The following NRXN3 variants were observed in gnomAD, a reference collection of about 807,000 sequenced individuals.
NRXN3 encodes the protein neurexin 3.
In NRXN3, 32 loss-of-function variants were observed where a neutral mutation model predicts 137.6. The ratio of observed to expected loss-of-function variants is 0.23; its 90% confidence interval spans 0.18 to 0.31. The LOEUF is 0.31. Ranked by LOEUF, NRXN3 falls within the 10% of genes least tolerant of loss-of-function variation. The pLI is 1.00. For missense variants in NRXN3, 1,574 were observed against 2,062.5 expected, an observed-to-expected ratio of 0.76 and a Z score of 4.59; for synonymous variants, 798 against 784.5, an observed-to-expected ratio of 1.02 and a Z score of -0.29.
chr14:79,626,215 GA>G (rs2098279944), intron 16 of NRXN3, among the ~76,000 whole-genome samples: 1 of 152,100 alleles, frequency 6.6e-6, no homozygotes, highest in Admixed American at 6.5e-5. Flanking sequence ...AAAATTTCCA[GA>G]TAGAGTTCTT....
chr14:78,519,460 G>C (rs901464054), intron 4 of NRXN3, among the ~76,000 whole-genome samples: 9 of 152,104 alleles, frequency 5.9e-5, no homozygotes, highest in African/African-American at 2.2e-4. Context: ...TTATTGAAAT[G>C]ATTCCTCATT....
intron 4 of NRXN3, among the ~76,000 whole-genome samples, chr14:78,456,176 C>T (rs1032675715): frequency 3.3e-5 from 5 of 152,122 alleles, no homozygotes; most frequent in South Asian, 2.1e-4. Flanking sequence ...ATATGACAGT[C>T]GACACCCCCC....
chr14:79,343,547 CTCTT>C lies in NRXN3; in HGVS notation c.3263-123672_3263-123669del, dbSNP rs369336123. 5.6e-4 allele frequency among the ~76,000 whole-genome samples: 85 copies of C among 152,126 alleles called. 2 individuals carry two copies. Among genetic ancestry groups the C allele is most frequent in the Admixed American group, 1.8e-3 (28 of 15,282 alleles). The stretch of plus-strand genomic sequence containing the variant: ...TGTCACCTAGAGCATTTTTTTCTTT[CTCTT>C]TATTTCCTGTGCCTTTCCTGCATCT... On this transcript the variant is annotated intron_variant, in intron 15 of 20. Transcript: ENST00000335750.
At chr14:79,195,750 G>A (rs2065043685) in intron 15 of NRXN3, among the ~76,000 whole-genome samples, 1 of 152,164 alleles carries the variant, frequency 6.6e-6, no homozygotes, top group South Asian at 2.1e-4. Context: ...GTAGAATGAA[G>A]ATACAATATA....
intron 4 of NRXN3, among the ~76,000 whole-genome samples, chr14:78,472,871 A>G (rs1159998583): frequency 6.6e-6 from 1 of 152,124 alleles, no homozygotes; most frequent in African/African-American, 2.4e-5. Flanking sequence ...CAGCCTTTGC[A>G]AAGTCTCAGG....
chr14:79,697,508 A>C, intron 18 of NRXN3, 122 bp from the exon 19 acceptor site: 1 of 988,266 alleles, frequency 1.0e-6, no homozygotes, highest in Non-Finnish European at 1.5e-6. Context: ...TTTGTTGTCT[A>C]TTTTTTCCTC....
At chr14:78,398,025 G>T (rs922638821) in intron 4 of NRXN3, among the ~76,000 whole-genome samples, 2 of 149,712 alleles carry the variant, frequency 1.3e-5, no homozygotes, top group Non-Finnish European at 1.5e-5. Flanking sequence ...GACAAGCCTG[G>T]CTAACCTGGT....
At chr14:79,474,376 A>AGAAG (rs2096541144) in intron 16 of NRXN3, among the ~76,000 whole-genome samples, 1 of 152,176 alleles carries the variant, frequency 6.6e-6, no homozygotes, top group South Asian at 2.1e-4. Flanking sequence ...AAACATATAT[A>AGAAG]GAAGGAAAGT....
At chr14:78,453,169 G>T (rs1018651604) in intron 4 of NRXN3, among the ~76,000 whole-genome samples, 1 of 152,140 alleles carries the variant, frequency 6.6e-6, no homozygotes, top group African/African-American at 2.4e-5. Context: ...TTGTCATAAT[G>T]GCTACAGTTC....
intron 4 of NRXN3, among the ~76,000 whole-genome samples, chr14:78,575,315 AG>A (rs1432313365): frequency 1.3e-5 from 2 of 152,206 alleles, no homozygotes; most frequent in African/African-American, 4.8e-5. Flanking sequence ...AAACACATGG[AG>A]GGGAAAGTGA....
At chr14:78,447,112 T>C (rs747876861) in intron 4 of NRXN3, among the ~76,000 whole-genome samples, 2 of 152,176 alleles carry the variant, frequency 1.3e-5, no homozygotes, top group Admixed American at 6.5e-5. Context: ...GTTTGGGAGT[T>C]AGGAGGTCTA....
intron 15 of NRXN3, among the ~76,000 whole-genome samples, chr14:79,186,233 A>G (rs2063527063): frequency 7.1e-6 from 1 of 140,156 alleles, no homozygotes; most frequent in Non-Finnish European, 1.6e-5. Context: ...ACAAATCGTG[A>G]CGTCAAGGGT....
chr14:78,341,227 G>A (rs1217309523), intron 4 of NRXN3, among the ~76,000 whole-genome samples: 2 of 152,234 alleles, frequency 1.3e-5, no homozygotes, highest in Middle Eastern at 3.4e-3. Flanking sequence ...CAAGACATGG[G>A]TAATTTGAAA....
At chr14:79,505,665 G>T (rs764262484) in intron 16 of NRXN3, among the ~76,000 whole-genome samples, 5 of 152,126 alleles carry the variant, frequency 3.3e-5, no homozygotes, top group Non-Finnish European at 7.4e-5. Flanking sequence ...TTTTTAGTTT[G>T]GACATGGTCT....
chr14:78,506,086 T>C (rs1159138735), intron 4 of NRXN3, among the ~76,000 whole-genome samples: 2 of 152,162 alleles, frequency 1.3e-5, no homozygotes, highest in African/African-American at 4.8e-5. Context: ...CTCTAAAATT[T>C]ATTCATTGAG....
At chr14:79,194,492 G>A (rs2064867172) in intron 15 of NRXN3, among the ~76,000 whole-genome samples, 1 of 152,204 alleles carries the variant, frequency 6.6e-6, no homozygotes, top group Non-Finnish European at 1.5e-5. Context: ...AAGATAGCTG[G>A]AGGGTATGTT....
chr14:79,059,402 C>T (rs1211691387), intron 15 of NRXN3, among the ~76,000 whole-genome samples: 8 of 151,872 alleles, frequency 5.3e-5, no homozygotes, highest in Non-Finnish European at 1.0e-4. Flanking sequence ...AGACTACAGG[C>T]GCCCGCCACC....
chr14:79,542,586 C>T (rs1207764338), intron 16 of NRXN3, among the ~76,000 whole-genome samples: 1 of 152,158 alleles, frequency 6.6e-6, no homozygotes, highest in African/African-American at 2.4e-5. Flanking sequence ...ACTGTAGGGC[C>T]TAACCCCACA....
intron 6 of NRXN3, among the ~76,000 whole-genome samples, chr14:78,659,303 A>G (rs553269493): frequency 6.6e-6 from 1 of 152,300 alleles, no homozygotes; most frequent in East Asian, 1.9e-4. Flanking sequence ...AAGTTTCGGT[A>G]AAGTCAACCA....
Sources: allele counts gnomAD v4.1 joint callset (sites outside exome capture counted in the v4.1 genomes callset), GRCh38; gene constraint gnomAD v4.1.1; transcripts MANE v1.5; gene names NCBI Gene and HGNC (gene_info 2026-07-23, HGNC 2026-07-21).